AGMO: variants seen among roughly 807,000 people sequenced by gnomAD.
AGMO encodes alkylglycerol monooxygenase, also known as glyceryl-ether monooxygenase.
A neutral mutation model predicts 60.2 loss-of-function variants in AGMO; 75 were observed. The ratio of observed to expected loss-of-function variants is 1.25; its 90% CI spans 1.03 to 1.51. The LOEUF (loss-of-function observed/expected upper bound fraction) is 1.51. Ranked by LOEUF, AGMO falls within the 40% of genes most tolerant of loss-of-function variation. AGMO has a pLI of 0.00. For synonymous variants in AGMO, 261 were observed against 177.1 expected (o/e 1.47, Z -3.76); for missense variants, 763 against 525.5 (o/e 1.45, Z -4.42).
At chr7:15,263,019 G>C (rs563913944) in intron 12 of AGMO, among the ~76,000 whole-genome samples, 2 of 152,152 alleles carry the variant, frequency 1.3e-5, no homozygotes, top group African/African-American at 4.8e-5. Context: ...ATTGGCTTAG[G>C]CAATGACCTC....
chr7:15,561,678 A>G (rs372138213), intron 1 of AGMO, 42 bp downstream of exon 1: 15 of 1,527,462 alleles, frequency 9.8e-6, no homozygotes, highest in African/African-American at 1.4e-5. Flanking sequence ...TTTATTAAGA[A>G]AGCAGCAAGA....
intron 12 of AGMO, among the ~76,000 whole-genome samples, chr7:15,277,210 A>G (rs1421055943): frequency 6.6e-6 from 1 of 152,008 alleles, no homozygotes; most frequent in Non-Finnish European, 1.5e-5. Flanking sequence ...CGGGAGGCTG[A>G]GGCAGAATTG....
At chr7:15,339,499 A>C (rs1445966727) in intron 12 of AGMO, among the ~76,000 whole-genome samples, 1 of 152,206 alleles carries the variant, frequency 6.6e-6, no homozygotes, top group Non-Finnish European at 1.5e-5. Flanking sequence ...GTTCAGCTGG[A>C]ATTATGTCAG....
intron 12 of AGMO, among the ~76,000 whole-genome samples, chr7:15,204,324 T>C (rs1781385774): frequency 6.6e-6 from 1 of 152,174 alleles, no homozygotes; most frequent in African/African-American, 2.4e-5. Flanking sequence ...ACGCCATTTA[T>C]TTTAGGTCTC....
the AGMO span, among the ~76,000 whole-genome samples, chr7:15,138,459 G>C: frequency 3.9e-5 from 6 of 152,122 alleles, no homozygotes; most frequent in Non-Finnish European, 5.9e-5. Flanking sequence ...TGTATTCTCA[G>C]ACAATGATCT....
At chr7:15,296,953 C>T (rs1175891988) in intron 12 of AGMO, among the ~76,000 whole-genome samples, 1 of 152,094 alleles carries the variant, frequency 6.6e-6, no homozygotes, top group Admixed American at 6.6e-5. Context: ...ATCTCTTTTC[C>T]GTTTCTCAAA....
At chr7:15,315,494 C>T (rs924884329) in intron 12 of AGMO, among the ~76,000 whole-genome samples, 21 of 151,780 alleles carry the variant, frequency 1.4e-4, no homozygotes, top group South Asian at 4.1e-4. Context: ...TGCGCCACCA[C>T]GCCCAGCTAA....
intron 5 of AGMO, among the ~76,000 whole-genome samples, chr7:15,416,724 T>A (rs565373287): frequency 1.3e-5 from 2 of 152,290 alleles, no homozygotes; most frequent in South Asian, 4.2e-4. Flanking sequence ...AGTATGCAAG[T>A]GGCCTATAGG....
the AGMO span, among the ~76,000 whole-genome samples, chr7:15,155,811 G>A: frequency 6.6e-6 from 1 of 152,068 alleles, no homozygotes; most frequent in East Asian, 1.9e-4. Flanking sequence ...GGGGCATTTT[G>A]CTTTTATATT....
intron 3 of AGMO, among the ~76,000 whole-genome samples, chr7:15,461,880 A>G (rs147409271): frequency 2.9e-3 from 436 of 151,594 alleles, no homozygotes; most frequent in African/African-American, 9.9e-3. Flanking sequence ...AAAGGACCAG[A>G]GATTCAATGT....
intron 10 of AGMO, among the ~76,000 whole-genome samples, chr7:15,369,746 T>A (rs897719313): frequency 6.6e-6 from 1 of 152,168 alleles, no homozygotes; most frequent in Non-Finnish European, 1.5e-5. Flanking sequence ...AAAGTTTTTA[T>A]CTCTTCATTC....
downstream of AGMO, among the ~76,000 whole-genome samples, chr7:15,196,916 C>T (rs1306681487): frequency 6.6e-6 from 1 of 152,096 alleles, no homozygotes; most frequent in African/African-American, 2.4e-5. Context: ...AAGAGATAAA[C>T]ATCAATGCTT....
intron 2 of AGMO, among the ~76,000 whole-genome samples, chr7:15,545,143 G>A (rs1041362381): frequency 1.1e-4 from 17 of 152,042 alleles, no homozygotes; most frequent in Non-Finnish European, 2.2e-4. Flanking sequence ...CATCATGGAT[G>A]CCAGCTGTTT....
At chr7:15,368,512 G>C (rs1328717079) in intron 10 of AGMO, among the ~76,000 whole-genome samples, 1 of 152,040 alleles carries the variant, frequency 6.6e-6, no homozygotes, top group Non-Finnish European at 1.5e-5. Flanking sequence ...GTAAACATGA[G>C]CAAATTATTT....
chr7:15,322,319 C>T (rs970103086), intron 12 of AGMO, among the ~76,000 whole-genome samples: 2 of 146,558 alleles, frequency 1.4e-5, no homozygotes, highest in Admixed American at 7.0e-5. Context: ...TTATAGAAAA[C>T]TGGCAGATAT....
chr7:15,526,170 G>A (rs897748529), intron 3 of AGMO, among the ~76,000 whole-genome samples: 9 of 152,168 alleles, frequency 5.9e-5, no homozygotes, highest in African/African-American at 2.2e-4. Flanking sequence ...GCGAACCCGG[G>A]TGGGAGCAAG....
chr7:15,389,763 GA>G (rs951407766), intron 8 of AGMO, among the ~76,000 whole-genome samples: 15 of 152,288 alleles, frequency 9.8e-5, no homozygotes, highest in African/African-American at 3.6e-4. Context: ...TCCTCCATCA[GA>G]AAATGGGAAT....
intron 12 of AGMO, among the ~76,000 whole-genome samples, chr7:15,299,081 C>T (rs1230066168): frequency 6.6e-6 from 1 of 152,134 alleles, no homozygotes; most frequent in African/African-American, 2.4e-5. Flanking sequence ...CTTTCATCAA[C>T]ACCCCAGTAG....
intron 12 of AGMO, among the ~76,000 whole-genome samples, chr7:15,357,614 CCTT>C (rs1221214209): frequency 3.3e-5 from 5 of 152,158 alleles, no homozygotes; most frequent in Non-Finnish European, 2.9e-5. Flanking sequence ...CTTCAAGAAG[CCTT>C]GCAAATGCAG....
Sources: allele counts gnomAD v4.1 joint callset (sites outside exome capture counted in the v4.1 genomes callset), GRCh38; gene constraint gnomAD v4.1.1; transcripts MANE v1.5; gene names NCBI Gene and HGNC (gene_info 2026-07-23, HGNC 2026-07-21).